STX7: variants seen among roughly 807,000 people sequenced by gnomAD.
The protein encoded by STX7 is syntaxin-7.
A neutral mutation model predicts 39.6 loss-of-function variants in STX7; 34 were observed. The observed-to-expected ratio is 0.86, with a 90% CI of 0.65 to 1.14. STX7 has a LOEUF of 1.14. Ranked by LOEUF, STX7 falls within the 50% of genes most tolerant of loss-of-function variation. The pLI, the probability that STX7 is intolerant of heterozygous loss-of-function variation, is 0.00. For synonymous variants in STX7, 119 were observed against 99.1 expected (o/e 1.20, Z -1.19); for missense variants, 284 against 310.4 (o/e 0.92, Z 0.64).
chr6:132,470,671 G>A, intron 5 of STX7, 45 bp from the exon 6 acceptor site: 1 of 1,385,068 alleles, frequency 7.2e-7, no homozygotes. Context: ...GGCAAAAAAA[G>A]CAAAAATGAG....
chr6:132,451,438 A>G lies in STX7; in HGVS notation c.*9320T>C, dbSNP rs1362738986. On this transcript the variant is annotated 3_prime_UTR_variant, in exon 10 of 10. Coordinates refer to ENST00000367941, the MANE Select transcript of STX7 (RefSeq NM_003569.3). ...TTTCAAGTGCTGAAAGAAAAGAACTATAAACCTACAAGTCTATGTCTAATG... is the reference window on the plus strand; with the variant it reads ...TTTCAAGTGCTGAAAGAAAAGAACTGTAAACCTACAAGTCTATGTCTAATG... 2.0e-5 allele frequency: 3 copies of G among 152,222 alleles called. No homozygotes were observed. Among genetic ancestry groups the G allele is most frequent in the South Asian group, 2.1e-4 (1 of 4,834 alleles). The allele number at this position is 152,222 out of a possible 1,614,324, so 9.4% of individuals were successfully genotyped here.
At chr6:132,491,605 C>T (rs76673920) in intron 2 of STX7, among the ~76,000 whole-genome samples, 3 of 152,252 alleles carry the variant, frequency 2.0e-5, no homozygotes, top group Non-Finnish European at 2.9e-5. Flanking sequence ...TTTCAATACA[C>T]AGGCTGACGA....
At chr6:132,504,523 C>A (rs1185480034) in intron 1 of STX7, among the ~76,000 whole-genome samples, 5 of 152,208 alleles carry the variant, frequency 3.3e-5, no homozygotes, top group Non-Finnish European at 5.9e-5. Context: ...ACCGCCACCC[C>A]ATCTTTTCCA....
chr6:132,453,452 T>A lies in STX7; in HGVS notation c.*7306A>T, dbSNP rs1412808811. The A allele has an allele frequency of 3.3e-5, 5 of 150,654 alleles. No homozygotes were observed. Among genetic ancestry groups the A allele is most frequent in the African/African-American group, 1.2e-4 (5 of 40,888 alleles). 9.3% of individuals were successfully genotyped at this position (150,654 alleles called of 1,614,324 possible). A position where few individuals can be genotyped will look rare whatever the true frequency, so the allele number is the denominator to read the frequency against. On this transcript the variant is annotated 3_prime_UTR_variant, in exon 10 of 10. Coordinates refer to ENST00000367941, the MANE Select transcript of STX7 (RefSeq NM_003569.3). Reference sequence around the variant, plus strand: ...CTGTGAAAGGCCCAGAAAAGAGAAATGAAAAGACATGCTACTGACTGGGAG... The same window carrying A: ...CTGTGAAAGGCCCAGAAAAGAGAAAAGAAAAGACATGCTACTGACTGGGAG...
chr6:132,464,115 G>T, intron 8 of STX7, 40 bp from the exon 9 acceptor site: 1 of 1,534,110 alleles, frequency 6.5e-7, no homozygotes. Flanking sequence ...TGTTAAACAT[G>T]GATTGATGCT....
rs573747307 is a variant in STX7 at position 132,476,778 on chromosome 6, T to C, written c.86-1116A>G. ...GTTAAACTCACAATCCGGAAGTCTA[T>C]GACTATTGCAATTTTTTTAAAAAAG... On this transcript the variant is annotated intron_variant, in intron 2 of 9. Coordinates refer to ENST00000367941, the MANE Select transcript of STX7 (RefSeq NM_003569.3). Among the ~76,000 whole-genome samples the C allele has an allele frequency of 2.2e-4, 33 of 152,208 alleles. No homozygotes were observed. In the South Asian group the frequency reaches 6.0e-3, roughly 28 times the overall value.
At chr6:132,487,804 T>G (rs1310032579) in intron 2 of STX7, among the ~76,000 whole-genome samples, 18 of 152,190 alleles carry the variant, frequency 1.2e-4, no homozygotes, top group Non-Finnish European at 7.3e-5. Flanking sequence ...ATTTGTTTCT[T>G]CTATTTTTTT....
intron 8 of STX7, among the ~76,000 whole-genome samples, chr6:132,468,034 C>G (rs1349880577): frequency 1.3e-5 from 2 of 152,166 alleles, no homozygotes; most frequent in African/African-American, 4.8e-5. Context: ...GTTACATATA[C>G]CACAAGTTTC....
chr6:132,509,345 A>G (rs188402042), intron 1 of STX7, among the ~76,000 whole-genome samples: 1,987 of 152,070 alleles, frequency 0.013, 19 homozygotes, highest in Non-Finnish European at 0.021. Context: ...CCAGCTACTC[A>G]GGAGGCTGAG....
rs1433311686 is a variant in STX7, at chr6:132,451,908, A to T, written c.*8850T>A. The T allele has an allele frequency of 6.6e-6, 1 of 152,248 alleles. No homozygotes were observed. The highest frequency in any genetic ancestry group is 1.9e-4 in the East Asian group (1 of 5,196). 9.4% of individuals were successfully genotyped at this position (152,248 alleles called of 1,614,324 possible). On this transcript the variant is annotated 3_prime_UTR_variant, in exon 10 of 10. Transcript: ENST00000367941. ...GCTTTAGAAAACAGAAGAGAAAGGA[A>T]TACTTTCCAGTTCATTTTGAAGCTA...
rs1774115790 is a variant in STX7 at position 132,450,497 on chromosome 6, A to G, written c.*10261T>C. ...TGTACTTTATTTATTTAAAGAGACCAACTTTTGTTTAAATTGATCCTCTCA... is the reference window on the plus strand; with the variant it reads ...TGTACTTTATTTATTTAAAGAGACCGACTTTTGTTTAAATTGATCCTCTCA... On this transcript the variant is annotated 3_prime_UTR_variant, in exon 10 of 10. Coordinates refer to ENST00000367941, the MANE Select transcript of STX7 (RefSeq NM_003569.3). 6.7e-6 allele frequency: 1 copy of G among 149,288 alleles called. No individual in the cohort carries two copies. The highest frequency in any genetic ancestry group is 2.5e-5 in the African/African-American group (1 of 40,756). 9.2% of individuals were successfully genotyped at this position (149,288 alleles called of 1,614,324 possible).
chr6:132,492,735 CA>C (rs1348571335), intron 2 of STX7, among the ~76,000 whole-genome samples: 1 of 152,040 alleles, frequency 6.6e-6, no homozygotes, highest in Non-Finnish European at 1.5e-5. Context: ...ACTGGAAGAT[CA>C]AAAACAATGC....
chr6:132,462,559 A>G (rs980137574), intron 9 of STX7, among the ~76,000 whole-genome samples: 2 of 151,026 alleles, frequency 1.3e-5, no homozygotes, highest in East Asian at 3.9e-4. Flanking sequence ...TAACAGCTCC[A>G]GAAGACTTCT....
chr6:132,503,498 G>A lies in STX7; in HGVS notation c.33C>T (p.Pro11=), dbSNP rs140215590. 4.3e-5 allele frequency: 69 copies of A among 1,613,904 alleles called. No homozygotes were observed. Among genetic ancestry groups the A allele is most frequent in the Non-Finnish European group, 4.9e-5 (58 of 1,179,934 alleles). ...AAGAGATCCTCTGGGCCAACTGGGCGGGGTCACCACCAACTCCTGGAGTGT... is the reference window on the plus strand; with the variant it reads ...AAGAGATCCTCTGGGCCAACTGGGCAGGGTCACCACCAACTCCTGGAGTGT... MSYTPGVGGD[P]AQLAQRISSN... The change falls in exon 2 of 10, where the codon CCC becomes CCT. Residue 11 remains proline (P), a synonymous_variant. Transcript: ENST00000367941.
At chr6:132,474,979 C>T (rs563706398) in intron 3 of STX7, among the ~76,000 whole-genome samples, 45 of 151,982 alleles carry the variant, frequency 3.0e-4, no homozygotes, top group Middle Eastern at 3.4e-3. Context: ...CTGGTGACTG[C>T]GGGGATTTTT....
intron 2 of STX7, among the ~76,000 whole-genome samples, chr6:132,498,262 T>C (rs958267594): frequency 2.6e-5 from 4 of 152,072 alleles, no homozygotes; most frequent in African/African-American, 4.8e-5. Flanking sequence ...TTATTTTACA[T>C]GTAAGCATTT....
Position 132,460,859 on chromosome 6 carries a change from G to A in STX7, c.694-9C>T, listed in dbSNP as rs1184680527. ...GTTTTTCTGGATTTGCGCTGCAGAC[G>A]CAAAAAACAAAACAAAACAAAAAAA... On this transcript the variant is annotated splice_polypyrimidine_tract_variant and intron_variant, in intron 9 of 9. Transcript: ENST00000367941. 8.7e-6 allele frequency: 14 copies of A among 1,607,962 alleles called. No individual in the cohort carries two copies. Among genetic ancestry groups the A allele is most frequent in the African/African-American group, 1.3e-5 (1 of 74,686 alleles).
chr6:132,500,135 C>T (rs1055092716), intron 2 of STX7, among the ~76,000 whole-genome samples: 20 of 152,208 alleles, frequency 1.3e-4, no homozygotes, highest in African/African-American at 4.8e-4. Context: ...GACCAGCATA[C>T]CTCCCTGCTA....
chr6:132,513,260 C>T (rs977280503), upstream of STX7: 1 of 152,316 alleles, frequency 6.6e-6, no homozygotes. Context: ...GGGAGCTGTT[C>T]TTTGAAGCCT....
Sources: gnomAD v4.1 joint callset for allele counts (sites outside exome capture counted in the v4.1 genomes callset) on GRCh38, gnomAD v4.1.1 for gene constraint, MANE v1.5 for transcripts, NCBI Gene and HGNC (gene_info 2026-07-23, HGNC 2026-07-21) for gene names.